Variants in PDLIM5 observed in about 807,000 individuals in gnomAD.
PDLIM5 encodes PDZ and LIM domain protein 5.
A neutral mutation model predicts 64.2 loss-of-function variants in PDLIM5; 34 were observed. The ratio of observed to expected loss-of-function variants is 0.53; its 90% confidence interval spans 0.40 to 0.71. The LOEUF (loss-of-function observed/expected upper bound fraction) is 0.71, where lower values mean the gene tolerates loss of function less well. PDLIM5 is among the 30% of genes least tolerant of loss of function. The pLI is 0.00. For synonymous variants in PDLIM5, 253 were observed against 269.1 expected (o/e 0.94, Z 0.59); for missense variants, 683 against 733.6 (o/e 0.93, Z 0.80).
Position 94,456,779 on chromosome 4 carries a change from G to A in PDLIM5, c.96+1395G>A, listed in dbSNP as rs1194803417. ...GTGCCAATTTACACTTTTGTGCAAC[G>A]CATGAAAATACTATTTTTGTGCCAG... On this transcript the variant is annotated intron_variant, in intron 2 of 12. Coordinates refer to ENST00000317968, the MANE Select transcript of PDLIM5 (RefSeq NM_006457.5). The A allele has an allele frequency of 1.4e-5, 17 of 1,205,658 alleles. No homozygotes were observed. The African/African-American group carries it at 2.4e-4, about 17-fold the overall frequency. 74.7% of individuals were successfully genotyped at this position (1,205,658 alleles called of 1,614,324 possible).
chr4:94,604,685 G>T (rs963417402), intron 7 of PDLIM5, among the ~76,000 whole-genome samples: 6 of 152,016 alleles, frequency 3.9e-5, no homozygotes, highest in Non-Finnish European at 5.9e-5. Flanking sequence ...AATGGTGCTG[G>T]TTACCACAGG....
intron 8 of PDLIM5, among the ~76,000 whole-genome samples, chr4:94,638,354 C>G (rs1295837387): frequency 6.6e-6 from 1 of 152,130 alleles, no homozygotes; most frequent in Non-Finnish European, 1.5e-5. Flanking sequence ...TGTTCCTAGT[C>G]CAGTTGACTC....
At chr4:94,588,874 C>T (rs1411309410) in intron 7 of PDLIM5, among the ~76,000 whole-genome samples, 1 of 152,120 alleles carries the variant, frequency 6.6e-6, no homozygotes, top group East Asian at 1.9e-4. Flanking sequence ...TAAAATTTGG[C>T]CTGCCAAATG....
intron 3 of PDLIM5, among the ~76,000 whole-genome samples, chr4:94,540,964 G>T (rs962427307): frequency 6.6e-6 from 1 of 152,182 alleles, no homozygotes; most frequent in African/African-American, 2.4e-5. Flanking sequence ...TGTAACAGAA[G>T]TCAGTATGAG....
At chr4:94,623,011 C>T (rs4699312) in intron 8 of PDLIM5, among the ~76,000 whole-genome samples, 37,938 of 152,022 alleles carry the variant, frequency 0.25, 5,030 homozygotes, top group East Asian at 0.42. Context: ...AAAAGCTTCT[C>T]CTATAGCATT....
intron 7 of PDLIM5, among the ~76,000 whole-genome samples, chr4:94,601,653 CCTT>C (rs1737511009): frequency 6.6e-6 from 1 of 152,166 alleles, no homozygotes; most frequent in African/African-American, 2.4e-5. Context: ...ATCCAGTCCT[CCTT>C]GTCTGCCATG....
At chr4:94,644,873 T>G (rs957728917) in intron 9 of PDLIM5, among the ~76,000 whole-genome samples, 1 of 152,154 alleles carries the variant, frequency 6.6e-6, no homozygotes, top group African/African-American at 2.4e-5. Flanking sequence ...ATTATTCTAC[T>G]GGATTCCCAA....
chr4:94,580,447 G>A (rs1735639064), intron 5 of PDLIM5, among the ~76,000 whole-genome samples: 1 of 152,018 alleles, frequency 6.6e-6, no homozygotes, highest in Admixed American at 6.6e-5. Flanking sequence ...GCATACCAGT[G>A]TAAACATCCC....
intron 7 of PDLIM5, chr4:94,587,940 T>C (rs1287494086): frequency 1.0e-6 from 1 of 977,624 alleles, no homozygotes; most frequent in African/African-American, 1.8e-5. Flanking sequence ...TTTTACTTAG[T>C]GACGTAAACT....
At chr4:94,481,039 C>T (rs1460383593) in intron 2 of PDLIM5, among the ~76,000 whole-genome samples, 1 of 151,970 alleles carries the variant, frequency 6.6e-6, no homozygotes, top group Non-Finnish European at 1.5e-5. Flanking sequence ...ATATTTCTGC[C>T]GGTCTCTGCA....
chr4:94,527,237 A>G (rs1414855228), intron 3 of PDLIM5, among the ~76,000 whole-genome samples: 1 of 150,660 alleles, frequency 6.6e-6, no homozygotes, highest in Non-Finnish European at 1.5e-5. Flanking sequence ...TTGTATTTTT[A>G]GTAGAGACAG....
chr4:94,636,917 G>A (rs1193940472), intron 8 of PDLIM5, among the ~76,000 whole-genome samples: 1 of 152,114 alleles, frequency 6.6e-6, no homozygotes, highest in African/African-American at 2.4e-5. Flanking sequence ...AAATTATACA[G>A]GTGAGGAGTG....
intron 7 of PDLIM5, chr4:94,587,242 G>A: frequency 7.6e-6 from 10 of 1,323,220 alleles, no homozygotes; most frequent in South Asian, 1.8e-5. Flanking sequence ...AAAGGAAGAT[G>A]AACATGTTTT....
At chr4:94,560,884 G>A (rs907684293) in intron 3 of PDLIM5, among the ~76,000 whole-genome samples, 4 of 151,934 alleles carry the variant, frequency 2.6e-5, no homozygotes, top group Admixed American at 2.6e-4. Context: ...CCGCCACCAC[G>A]CCCAGCTAAT....
At chr4:94,497,082 A>T (rs978232460) in intron 2 of PDLIM5, among the ~76,000 whole-genome samples, 1 of 152,226 alleles carries the variant, frequency 6.6e-6, no homozygotes, top group Non-Finnish European at 1.5e-5. Flanking sequence ...GTGAATTGTG[A>T]TCTAAGAATT....
At chr4:94,621,309 A>G (rs144960567) in intron 8 of PDLIM5, among the ~76,000 whole-genome samples, 47 of 152,250 alleles carry the variant, frequency 3.1e-4, no homozygotes, top group African/African-American at 8.2e-4. Context: ...ACCATGATCT[A>G]TTCTTTTGGG....
intron 8 of PDLIM5, among the ~76,000 whole-genome samples, chr4:94,634,216 G>A (rs777467799): frequency 2.6e-5 from 4 of 151,938 alleles, no homozygotes; most frequent in Non-Finnish European, 4.4e-5. Flanking sequence ...TTTTGTTGGT[G>A]GCAAGAGTAG....
intron 8 of PDLIM5, among the ~76,000 whole-genome samples, chr4:94,637,803 A>C (rs1740686146): frequency 6.6e-6 from 1 of 152,204 alleles, no homozygotes; most frequent in South Asian, 2.1e-4. Flanking sequence ...TGTTTTTGGA[A>C]AAATAATCTA....
chr4:94,606,822 A>T (rs75149361), intron 7 of PDLIM5, among the ~76,000 whole-genome samples: 277 of 152,358 alleles, frequency 1.8e-3, no homozygotes, highest in African/African-American at 6.3e-3. Flanking sequence ...AGCCATAGAC[A>T]TATGAAGAAT....
Sources: allele counts gnomAD v4.1 joint callset (sites outside exome capture counted in the v4.1 genomes callset), GRCh38; gene constraint gnomAD v4.1.1; transcripts MANE v1.5; gene names NCBI Gene and HGNC (gene_info 2026-07-23, HGNC 2026-07-21).